The following DIP2C variants were observed in gnomAD, a reference collection of about 807,000 sequenced individuals.
The protein encoded by DIP2C is disco-interacting protein 2 homolog C.
In DIP2C, 33 loss-of-function variants were observed where a neutral mutation model predicts 192.4. The observed-to-expected ratio is 0.17, with a 90% confidence interval of 0.13 to 0.23. The LOEUF (loss-of-function observed/expected upper bound fraction) is 0.23, where lower values mean the gene tolerates loss of function less well. Among genes scored for constraint, DIP2C ranks in the 10% least tolerant of loss-of-function variants. DIP2C has a pLI of 1.00. For missense variants in DIP2C, 1,537 were observed against 2,110.1 expected, an observed-to-expected ratio of 0.73 and a Z score of 5.32; for synonymous variants, 979 against 864.1, an observed-to-expected ratio of 1.13 and a Z score of -2.33.
Position 675,492 on chromosome 10 carries a change from GGTT to G in DIP2C, c.85+13999_85+14001del, listed in dbSNP as rs142488300. 2.1e-3 allele frequency among the ~76,000 whole-genome samples: 321 copies of G among 151,806 alleles called. 1 individual carries two copies. The highest frequency in any genetic ancestry group is 6.8e-3 in the Middle Eastern group (2 of 294). ...AATACAAAAGATGGGAAAAAATGTTGGTTTTTTGAAAAGATAAATAAAATAGAC... is the reference window on the plus strand; with the variant it reads ...AATACAAAAGATGGGAAAAAATGTTGTTTTGAAAAGATAAATAAAATAGAC... On this transcript the variant is annotated intron_variant, in intron 1 of 36. Coordinates refer to ENST00000280886, the MANE Select transcript of DIP2C (RefSeq NM_014974.3).
intron 1 of DIP2C, among the ~76,000 whole-genome samples, chr10:612,137 C>T (rs111939288): frequency 0.032 from 4,831 of 151,954 alleles, 245 homozygotes; most frequent in African/African-American, 0.11. Context: ...TCTACTAATA[C>T]GAAAAATGAG....
chr10:305,995 T>TATATATATA (rs1564531224), intron 32 of DIP2C, among the ~76,000 whole-genome samples: 1 of 141,290 alleles, frequency 7.1e-6, no homozygotes, highest in African/African-American at 2.9e-5. Flanking sequence ...ATATATATAT[T>TATATATATA]ATATTTTTTT....
chr10:327,939 C>T (rs775065197), intron 30 of DIP2C, among the ~76,000 whole-genome samples: 1 of 152,196 alleles, frequency 6.6e-6, no homozygotes, highest in Non-Finnish European at 1.5e-5. Context: ...CTCTGTGGCA[C>T]TACCTGGGCC....
intron 1 of DIP2C, among the ~76,000 whole-genome samples, chr10:503,137 G>A (rs971184118): frequency 5.3e-5 from 8 of 151,506 alleles, no homozygotes; most frequent in Non-Finnish European, 1.0e-4. Context: ...ACTGACCTGC[G>A]GACTTACCAC....
intron 4 of DIP2C, 23 bp from the exon 5 acceptor site, chr10:423,056 T>C: frequency 6.4e-7 from 1 of 1,564,568 alleles, no homozygotes; most frequent in Non-Finnish European, 8.7e-7. Context: ...AAAGGTGATT[T>C]GCTGTATGTT....
At position 439,603 on chromosome 10, in the gene DIP2C, G is replaced by A. The variant is rs768946145; in HGVS notation, c.394+1268C>T. Among the ~76,000 whole-genome samples, 8 of 152,196 alleles carry A rather than the reference G, an allele frequency of 5.3e-5. No homozygotes were observed. In the East Asian group the frequency reaches 1.2e-3, roughly 22 times the overall value. On this transcript the variant is annotated intron_variant, in intron 4 of 36. Transcript: ENST00000280886. ...CATGACACTGAATTCTGACCGTGGC[G>A]ATAGAGCAAGACCCTGTCTCAAAAC...
chr10:287,911 G>C (rs1220014806), intron 33 of DIP2C, among the ~76,000 whole-genome samples: 1 of 152,120 alleles, frequency 6.6e-6, no homozygotes, highest in East Asian at 1.9e-4. Flanking sequence ...CTTTAGCTAG[G>C]TGTGGCCATG....
intron 8 of DIP2C, among the ~76,000 whole-genome samples, chr10:411,580 A>C (rs529362376): frequency 2.0e-5 from 3 of 152,326 alleles, no homozygotes; most frequent in Admixed American, 2.0e-4. Context: ...CTTCAGTTAC[A>C]CCAAGTTACT....
Position 423,000 on chromosome 10 carries a change from A to G in DIP2C, c.428T>C (p.Val143Ala). The G allele has an allele frequency of 6.2e-7, 1 of 1,613,354 alleles. No individual in the cohort carries two copies. The highest frequency in any genetic ancestry group is 1.1e-5 in the South Asian group (1 of 90,978). Reference protein sequence around the residue: ...TSSGSEDEGSVQGDSQGTPTS... With the variant: ...TSSGSEDEGSAQGDSQGTPTS... ...GGGGGTGCCCTGGGAGTCCCCCTGCACTGAGCCTTCATCTTCTGAGCCAGA... is the reference window on the plus strand; with the variant it reads ...GGGGGTGCCCTGGGAGTCCCCCTGCGCTGAGCCTTCATCTTCTGAGCCAGA... The change falls in exon 5 of 37, where the codon GTG becomes GCG. Residue 143 changes from valine to alanine, a missense_variant. Transcript: ENST00000280886.
rs533705642 is a variant in DIP2C, at chr10:276,160, C to T, written c.*1165G>A. 4 of 152,754 alleles carry T rather than the reference C, an allele frequency of 2.6e-5. No homozygotes were observed. Among genetic ancestry groups the T allele is most frequent in the South Asian group, 4.1e-4 (2 of 4,820 alleles). The allele number at this position is 152,754 out of a possible 1,614,324, so 9.5% of individuals were successfully genotyped here. A position where few individuals can be genotyped will look rare whatever the true frequency, so the allele number is the denominator to read the frequency against. ...CAGCTAAGAAAACAGTGCTATTTGCCAACCTAAAGCCCCTCAGTATCATCA... is the reference window on the plus strand; with the variant it reads ...CAGCTAAGAAAACAGTGCTATTTGCTAACCTAAAGCCCCTCAGTATCATCA... On this transcript the variant is annotated 3_prime_UTR_variant, in exon 37 of 37. Transcript: ENST00000280886.
rs914160308 is a variant in DIP2C at position 689,632 on chromosome 10, C to T, written c.-54G>A. 4 of 1,057,464 alleles carry T rather than the reference C, an allele frequency of 3.8e-6. No individual in the cohort carries two copies. The highest frequency in any genetic ancestry group is 4.6e-6 in the Non-Finnish European group (4 of 873,562). 65.5% of individuals were successfully genotyped at this position (1,057,464 alleles called of 1,614,324 possible). The stretch of plus-strand genomic sequence containing the variant: ...CTCCTCTTTGTTCGCAGGCGGAGGT[C>T]TCGGCGGCTCCTCGCGCCCGGCGGA... On this transcript the variant is annotated 5_prime_UTR_variant, in exon 1 of 37. Coordinates refer to ENST00000280886, the MANE Select transcript of DIP2C (RefSeq NM_014974.3). The surrounding 1 kb of genome is among the most constrained non-coding windows in gnomAD (Gnocchi z 6.1).
chr10:668,127 A>G, intron 1 of DIP2C: 1 of 152,154 alleles, frequency 6.6e-6, no homozygotes, highest in East Asian at 1.9e-4. Flanking sequence ...AACACAACAT[A>G]CAACATATAC....
chr10:586,855 G>C (rs201792489), intron 1 of DIP2C, among the ~76,000 whole-genome samples: 2 of 151,844 alleles, frequency 1.3e-5, no homozygotes, highest in South Asian at 4.1e-4. Flanking sequence ...ATTTTGTGGG[G>C]AAAACCCCAC....
chr10:587,380 G>A (rs1851126187), intron 1 of DIP2C, among the ~76,000 whole-genome samples: 1 of 152,204 alleles, frequency 6.6e-6, no homozygotes, highest in Admixed American at 6.5e-5. Context: ...GTGGGATGAC[G>A]GGATCACACA....
At chr10:392,475 A>G (rs1448496726) in intron 10 of DIP2C, among the ~76,000 whole-genome samples, 1 of 152,242 alleles carries the variant, frequency 6.6e-6, no homozygotes, top group Non-Finnish European at 1.5e-5. Flanking sequence ...AAGAGACTGA[A>G]AACCACAGGA....
At chr10:422,582 A>C (rs1390089583) in intron 5 of DIP2C, among the ~76,000 whole-genome samples, 1 of 152,196 alleles carries the variant, frequency 6.6e-6, no homozygotes, top group Non-Finnish European at 1.5e-5. Flanking sequence ...AAAAGATGGG[A>C]GCGGATACGG....
chr10:533,537 G>C (rs572960592), intron 1 of DIP2C, among the ~76,000 whole-genome samples: 1 of 152,024 alleles, frequency 6.6e-6, no homozygotes, highest in East Asian at 1.9e-4. Flanking sequence ...GTGTGTTCAG[G>C]AGTGTGAAGG....
intron 1 of DIP2C, among the ~76,000 whole-genome samples, chr10:559,582 T>C (rs192008166): frequency 1.3e-5 from 2 of 152,340 alleles, no homozygotes; most frequent in Admixed American, 1.3e-4. Flanking sequence ...TCTTGGTGTC[T>C]GGAGAAAGCA....
intron 1 of DIP2C, among the ~76,000 whole-genome samples, chr10:617,994 G>C (rs1432764245): frequency 6.6e-6 from 1 of 152,140 alleles, no homozygotes; most frequent in African/African-American, 2.4e-5. Context: ...TTGAGGTCAC[G>C]TCCACCTCAC....
Sources: gnomAD v4.1 joint callset for allele counts (sites outside exome capture counted in the v4.1 genomes callset) on GRCh38, gnomAD v4.1.1 for gene constraint, Gnocchi (gnomAD v3.1) non-coding constraint, MANE v1.5 for transcripts, NCBI Gene and HGNC (gene_info 2026-07-23, HGNC 2026-07-21) for gene names.